The following GCLC variants were observed in gnomAD, a reference collection of about 807,000 sequenced individuals.
GCLC encodes the protein glutamate--cysteine ligase catalytic subunit.
GCLC carries 30 observed loss-of-function variants against 81.5 expected under a neutral mutation model. The ratio of observed to expected loss-of-function variants is 0.37; its 90% CI spans 0.28 to 0.50. The LOEUF (loss-of-function observed/expected upper bound fraction) is 0.50, where lower values mean the gene tolerates loss of function less well. GCLC is among the 20% of genes least tolerant of loss of function. GCLC has a pLI of 0.96. For missense variants in GCLC, 556 were observed against 777.4 expected (o/e 0.72, Z 3.39); for synonymous variants, 262 against 273.3 (o/e 0.96, Z 0.41).
intron 1 of GCLC, among the ~76,000 whole-genome samples, chr6:53,528,884 A>G (rs1255854852): frequency 6.6e-6 from 1 of 152,230 alleles, no homozygotes; most frequent in African/African-American, 2.4e-5. Context: ...TAGATTAGTG[A>G]TATGAGTCCC....
At chr6:53,538,136 CTTTTTTTT>C (rs10588842) in intron 1 of GCLC, among the ~76,000 whole-genome samples, 3 of 78,904 alleles carry the variant, frequency 3.8e-5, no homozygotes, top group Admixed American at 1.7e-4. Context: ...TTTTTCTTTC[CTTTTTTTT>C]TTTTTTTTTT....
At chr6:53,509,467 T>C (rs773661552) in intron 6 of GCLC, 18 of 598,884 alleles carry the variant, frequency 3.0e-5, no homozygotes, top group Non-Finnish European at 5.3e-5. Context: ...AGACAACTAA[T>C]ATAAATAACC....
chr6:53,533,716 C>T (rs1763210467), intron 1 of GCLC, among the ~76,000 whole-genome samples: 1 of 141,454 alleles, frequency 7.1e-6, no homozygotes, highest in South Asian at 2.3e-4. Flanking sequence ...CAATTCAAAA[C>T]ACCAAATGAT....
chr6:53,507,682 T>C (rs1764643438), intron 8 of GCLC, 64 bp from the exon 9 acceptor site: 1 of 674,558 alleles, frequency 1.5e-6, no homozygotes, highest in Non-Finnish European at 2.4e-6. Context: ...TATTTTTATA[T>C]ATGATAATTA....
At chr6:53,528,662 A>G (rs186134031) in intron 1 of GCLC, among the ~76,000 whole-genome samples, 1 of 152,232 alleles carries the variant, frequency 6.6e-6, no homozygotes, top group East Asian at 1.9e-4. Flanking sequence ...TTCACATGAT[A>G]CTATGAAAGG....
At chr6:53,517,100 T>C (rs1455419050) in intron 3 of GCLC, among the ~76,000 whole-genome samples, 2 of 143,762 alleles carry the variant, frequency 1.4e-5, no homozygotes, top group Non-Finnish European at 3.1e-5. Context: ...TTTTTTTTTT[T>C]TTCTGAGAAA....
chr6:53,524,408 T>C (rs1763047913), intron 1 of GCLC, among the ~76,000 whole-genome samples: 1 of 152,206 alleles, frequency 6.6e-6, no homozygotes, highest in Non-Finnish European at 1.5e-5. Context: ...AAAGTTATAA[T>C]ACTGGATGAA....
chr6:53,510,961 C>A (rs1236824834), intron 6 of GCLC, among the ~76,000 whole-genome samples: 1 of 152,092 alleles, frequency 6.6e-6, no homozygotes, highest in Non-Finnish European at 1.5e-5. Context: ...CACTGATAAC[C>A]AAACCAAGGG....
chr6:53,519,798 T>TA (rs1328972242), intron 3 of GCLC, among the ~76,000 whole-genome samples: 6 of 152,030 alleles, frequency 3.9e-5, no homozygotes, highest in South Asian at 2.1e-4. Context: ...ATCACAGAAA[T>TA]AGAGATGCTT....
chr6:53,499,011 G>GTTT, intron 15 of GCLC, 44 bp from the exon 16 acceptor site: 4 of 1,106,230 alleles, frequency 3.6e-6, no homozygotes, highest in Non-Finnish European at 5.4e-6. Flanking sequence ...AACCACGTAA[G>GTTT]TTTTTTTTTT....
At chr6:53,504,973 C>G (rs1764585354) in intron 12 of GCLC, among the ~76,000 whole-genome samples, 1 of 152,184 alleles carries the variant, frequency 6.6e-6, no homozygotes, top group Non-Finnish European at 1.5e-5. Flanking sequence ...TCCCAGAAAG[C>G]TTGTTTTTTG....
chr6:53,540,666 GCC>G (rs1491169067), intron 1 of GCLC, among the ~76,000 whole-genome samples: 43 of 108,250 alleles, frequency 4.0e-4, no homozygotes, highest in African/African-American at 1.6e-3. Flanking sequence ...TAAGTGTCTT[GCC>G]ACACACACAC....
intron 1 of GCLC, among the ~76,000 whole-genome samples, chr6:53,543,091 A>G (rs1763387730): frequency 6.6e-6 from 1 of 152,232 alleles, no homozygotes; most frequent in African/African-American, 2.4e-5. Context: ...AACTTGAAAT[A>G]GTAGTTCATT....
At chr6:53,499,907 A>G in intron 15 of GCLC, 138 bp downstream of exon 15, 1 of 692,598 alleles carries the variant, frequency 1.4e-6, no homozygotes, top group Non-Finnish European at 2.5e-6. Flanking sequence ...TATAAGGTGA[A>G]TACAATTGCA....
At chr6:53,533,642 G>A (rs1424606923) in intron 1 of GCLC, among the ~76,000 whole-genome samples, 1 of 151,904 alleles carries the variant, frequency 6.6e-6, no homozygotes, top group Non-Finnish European at 1.5e-5. Flanking sequence ...AAGTATTAAG[G>A]TATTCTGAAA....
intron 12 of GCLC, among the ~76,000 whole-genome samples, chr6:53,503,820 T>C (rs530551490): frequency 2.3e-4 from 35 of 152,358 alleles, no homozygotes; most frequent in Non-Finnish European, 4.3e-4. Flanking sequence ...TTCCAGAGCT[T>C]TCCATGCTTC....
intron 13 of GCLC, 38 bp from the exon 14 acceptor site, chr6:53,500,388 G>A: frequency 1.3e-6 from 2 of 1,599,746 alleles, no homozygotes; most frequent in Non-Finnish European, 1.7e-6. Context: ...TTAGCAGCTT[G>A]TTGCAGCATA....
intron 1 of GCLC, among the ~76,000 whole-genome samples, chr6:53,529,757 G>C (rs1229918288): frequency 1.3e-5 from 2 of 152,224 alleles, no homozygotes; most frequent in Non-Finnish European, 2.9e-5. Context: ...CTGATCCCCA[G>C]ACAGAAGCTG....
chr6:53,500,501 T>C lies in GCLC; in HGVS notation c.1408A>G (p.Met470Val). Residue 470 changes from methionine to valine, a missense_variant, in exon 13 of 16, where the codon ATG (methionine) becomes GTG (valine). Met to Val is a conservative substitution (Grantham distance 21). This residue lies in a region of GCLC where 313 missense variants were observed against 437.3 expected (regional missense o/e 0.72). Coordinates refer to ENST00000650454, the MANE Select transcript of GCLC (RefSeq NM_001498.4). The part of the protein sequence containing the change: ...LIPLSKVDEN[M>V]KVAQKRDAVL... ...GCATCTCTTTTCTGTGCTACCTTCATGTTCTCATCAACCTAAGGGAAAAAA... is the reference window on the plus strand; with the variant it reads ...GCATCTCTTTTCTGTGCTACCTTCACGTTCTCATCAACCTAAGGGAAAAAA... 1 of 1,609,336 alleles carries C rather than the reference T, an allele frequency of 6.2e-7. No homozygotes were observed. The highest frequency in any genetic ancestry group is 8.5e-7 in the Non-Finnish European group (1 of 1,176,066).
Sources: gnomAD v4.1 joint callset for allele counts (sites outside exome capture counted in the v4.1 genomes callset) on GRCh38, gnomAD v4.1.1 for gene constraint, gnomAD v4.1.1 regional missense constraint, MANE v1.5 for transcripts, NCBI Gene and HGNC (gene_info 2026-07-23, HGNC 2026-07-21) for gene names.